Variants in ST3GAL5 observed in about 807,000 individuals in gnomAD.
ST3GAL5 encodes lactosylceramide alpha-2,3-sialyltransferase.
A neutral mutation model predicts 46.1 loss-of-function variants in ST3GAL5; 25 were observed. The ratio of observed to expected loss-of-function variants is 0.54; its 90% CI spans 0.40 to 0.76. The LOEUF is 0.76. Among genes scored for constraint, ST3GAL5 ranks in the 30% least tolerant of loss-of-function variants. ST3GAL5 has a pLI of 0.00. For missense variants in ST3GAL5, 431 were observed against 521.2 expected (o/e 0.83, Z 1.69); for synonymous variants, 182 against 192.7 (o/e 0.94, Z 0.46).
Position 85,844,729 on chromosome 2 carries a change from A to T in ST3GAL5, c.850-175T>A, listed in dbSNP as rs2280315. On this transcript the variant is annotated intron_variant, in intron 5 of 6. Coordinates refer to ENST00000638572, the MANE Select transcript of ST3GAL5 (RefSeq NM_003896.4). ...ACGCAAATCCGGCACTCCAACTCAA[A>T]AAAGTAACTCTGAAATAGCCACTTC... The T allele has an allele frequency of 0.12, 94,775 of 779,938 alleles. 6,707 individuals are homozygous for T. The highest frequency in any genetic ancestry group is 0.27 in the East Asian group (9,896 of 37,036). 48.3% of individuals were successfully genotyped at this position (779,938 alleles called of 1,614,324 possible).
At chr2:85,868,887 G>A (rs1415577124) in intron 1 of ST3GAL5, among the ~76,000 whole-genome samples, 1 of 152,162 alleles carries the variant, frequency 6.6e-6, no homozygotes, top group Admixed American at 6.5e-5. Flanking sequence ...CCGAAGTGCT[G>A]GGATTACAGG....
intron 1 of ST3GAL5, chr2:85,888,542 G>A (rs919509120): frequency 2.1e-5 from 5 of 243,892 alleles, no homozygotes; most frequent in African/African-American, 1.1e-4. Context: ...GAAAGCGGCG[G>A]GGAAAGGGCC....
intron 6 of ST3GAL5, 27 bp from the exon 7 acceptor site, chr2:85,840,419 A>G (rs1368970319): frequency 1.9e-6 from 3 of 1,612,988 alleles, no homozygotes. Flanking sequence ...AAGACCAAAA[A>G]GTAAAAAAAA....
At chr2:85,883,891 G>A (rs1220582680) in intron 1 of ST3GAL5, among the ~76,000 whole-genome samples, 1 of 152,188 alleles carries the variant, frequency 6.6e-6, no homozygotes, top group African/African-American at 2.4e-5. Context: ...TGGAGCTCCA[G>A]GGAAGTGATG....
chr2:85,873,696 G>A (rs1160691383), intron 1 of ST3GAL5, among the ~76,000 whole-genome samples: 3 of 152,184 alleles, frequency 2.0e-5, no homozygotes, highest in Non-Finnish European at 4.4e-5. Context: ...AACGCCTGTG[G>A]GCTGCCAGGT....
chr2:85,866,403 C>T (rs1685297120), intron 1 of ST3GAL5, among the ~76,000 whole-genome samples: 1 of 152,204 alleles, frequency 6.6e-6, no homozygotes, highest in South Asian at 2.1e-4. Flanking sequence ...CTCGAATGCC[C>T]TGATCTCAAT....
At chr2:85,869,273 T>C (rs1239272192) in intron 1 of ST3GAL5, among the ~76,000 whole-genome samples, 4 of 152,152 alleles carry the variant, frequency 2.6e-5, no homozygotes, top group Non-Finnish European at 5.9e-5. Context: ...CCCAAACTCC[T>C]GGCCTCAAGC....
chr2:85,847,761 C>T lies in ST3GAL5; in HGVS notation c.662+100G>A, dbSNP rs1682980770. ...AGTGAGCTGAGATCACACCACTGCACTCCAGCCTGGACAACAGGAGTGAGA... is the reference window on the plus strand; with the variant it reads ...AGTGAGCTGAGATCACACCACTGCATTCCAGCCTGGACAACAGGAGTGAGA... On this transcript the variant is annotated intron_variant, in intron 4 of 6. Transcript: ENST00000638572. 2.0e-6 allele frequency: 3 copies of T among 1,482,378 alleles called. No homozygotes were observed. In the South Asian group the frequency reaches 3.8e-5, roughly 19 times the overall value. 91.8% of individuals were successfully genotyped at this position (1,482,378 alleles called of 1,614,324 possible). A position where few individuals can be genotyped will look rare whatever the true frequency, so the allele number is the denominator to read the frequency against.
intron 5 of ST3GAL5, 140 bp from the exon 6 acceptor site, chr2:85,844,694 T>C (rs1682562495): frequency 8.5e-7 from 1 of 1,172,500 alleles, no homozygotes; most frequent in Non-Finnish European, 1.2e-6. Context: ...TCCTATAGAT[T>C]GCAAAAGCTA....
intron 2 of ST3GAL5, among the ~76,000 whole-genome samples, chr2:85,861,645 T>TAAAAAAAAAAAA (rs3046643): frequency 7.9e-4 from 97 of 123,444 alleles, no homozygotes; most frequent in East Asian, 1.6e-3. Context: ...TGTCAGTCCT[T>TAAAAAAAAAAAA]AAAAAAAAAA....
In ST3GAL5 at chr2:85,837,462, T is replaced by C. The variant is rs1475020183; in HGVS notation, c.*2682A>G. 1 of 152,216 alleles carries C rather than the reference T, an allele frequency of 6.6e-6. No individual in the cohort carries two copies. The highest frequency in any genetic ancestry group is 1.5e-5 in the Non-Finnish European group (1 of 68,038). The allele number at this position is 152,216 out of a possible 1,614,324, so 9.4% of individuals were successfully genotyped here. A position where few individuals can be genotyped will look rare whatever the true frequency, so the allele number is the denominator to read the frequency against. On this transcript the variant is annotated 3_prime_UTR_variant, in exon 7 of 7. Coordinates refer to ENST00000638572, the MANE Select transcript of ST3GAL5 (RefSeq NM_003896.4). Reference sequence around the variant, plus strand: ...GTAGGGGGAAATGAAGAGAGGTTGATTAATGGGTACAAACATACAGTTTGA... The same window carrying C: ...GTAGGGGGAAATGAAGAGAGGTTGACTAATGGGTACAAACATACAGTTTGA...
intron 3 of ST3GAL5, chr2:85,853,024 T>C (rs1343539117): frequency 1.5e-6 from 2 of 1,303,242 alleles, no homozygotes; most frequent in Non-Finnish European, 2.0e-6. Flanking sequence ...GAGAAGACGA[T>C]GAAGAAGCGG....
At chr2:85,859,600 A>C (rs1038060889) in intron 3 of ST3GAL5, among the ~76,000 whole-genome samples, 30 of 152,216 alleles carry the variant, frequency 2.0e-4, no homozygotes, top group African/African-American at 6.5e-4. Flanking sequence ...TGCGACCAGC[A>C]AGACCCTGAG....
chr2:85,888,860 G>T lies in ST3GAL5; in HGVS notation c.46C>A (p.Pro16Thr). 1 of 1,355,126 alleles carries T rather than the reference G, an allele frequency of 7.4e-7. No individual in the cohort carries two copies. The highest frequency in any genetic ancestry group is 1.7e-5 in the South Asian group (1 of 60,418). The allele number at this position is 1,355,126 out of a possible 1,614,324, so 83.9% of individuals were successfully genotyped here. A position where few individuals can be genotyped will look rare whatever the true frequency, so the allele number is the denominator to read the frequency against. The change falls in exon 1 of 7, where the codon CCG (proline) becomes ACG (threonine). Residue 16 changes from proline to threonine, a missense_variant. Transcript: ENST00000638572. ...GGTGCCGCCGCTGCCTCGGTCCGCG[G>T]CTGCAGGGGACGCCGCTCCGCGCAG... ...AGCAERRPLQPRTEAAAAPAG... is the reference protein window; with the variant it reads ...AGCAERRPLQTRTEAAAAPAG...
chr2:85,845,472 C>T (rs1054246153), intron 5 of ST3GAL5: 1 of 152,228 alleles, frequency 6.6e-6, no homozygotes, highest in Non-Finnish European at 1.5e-5. Flanking sequence ...ACCTCAGTAA[C>T]AGCAATTTTG....
chr2:85,857,741 G>A (rs968815016), intron 3 of ST3GAL5, among the ~76,000 whole-genome samples: 17 of 151,982 alleles, frequency 1.1e-4, no homozygotes, highest in Admixed American at 7.9e-4. Context: ...TAAAGGAGAG[G>A]CACCAAAGAG....
chr2:85,872,348 C>A (rs373488396), intron 1 of ST3GAL5, among the ~76,000 whole-genome samples: 35 of 152,168 alleles, frequency 2.3e-4, no homozygotes, highest in African/African-American at 8.2e-4. Context: ...GTCCACGAGG[C>A]GAGGCAGGCG....
chr2:85,852,495 GA>G (rs958429275), intron 3 of ST3GAL5, among the ~76,000 whole-genome samples: 10 of 151,402 alleles, frequency 6.6e-5, no homozygotes, highest in Non-Finnish European at 1.2e-4. Context: ...GTTAGAAGCA[GA>G]AAAAAATTTA....
In ST3GAL5 at chr2:85,837,154, G is replaced by T. The variant is rs1183108387; in HGVS notation, c.*2990C>A. ...TATCTATACTCCCATATTTATTGCA[G>T]CGCTATTCACATAGCCAAAACATGA... On this transcript the variant is annotated 3_prime_UTR_variant, in exon 7 of 7. Coordinates refer to ENST00000638572, the MANE Select transcript of ST3GAL5 (RefSeq NM_003896.4). The T allele has an allele frequency of 1.3e-5, 2 of 152,164 alleles. No individual in the cohort carries two copies. Among genetic ancestry groups the T allele is most frequent in the African/African-American group, 4.8e-5 (2 of 41,446 alleles). The allele number at this position is 152,164 out of a possible 1,614,324, so 9.4% of individuals were successfully genotyped here.
Sources: allele counts gnomAD v4.1 joint callset (sites outside exome capture counted in the v4.1 genomes callset), GRCh38; gene constraint gnomAD v4.1.1; transcripts MANE v1.5; gene names NCBI Gene and HGNC (gene_info 2026-07-23, HGNC 2026-07-21).